Variants in NEDD4L observed in about 807,000 individuals in gnomAD.
The protein encoded by NEDD4L is E3 ubiquitin-protein ligase NEDD4-like.
In NEDD4L, 54 loss-of-function variants were observed where a neutral mutation model predicts 148.9. That is an observed-to-expected ratio of 0.36 (90% CI 0.29 to 0.45). The LOEUF (loss-of-function observed/expected upper bound fraction) is 0.45. Among genes scored for constraint, NEDD4L ranks in the 20% least tolerant of loss-of-function variants. The pLI is 1.00. For missense variants in NEDD4L, 856 were observed against 1,233.8 expected, an observed-to-expected ratio of 0.69 and a Z score of 4.59; for synonymous variants, 433 against 440.7, an observed-to-expected ratio of 0.98 and a Z score of 0.22.
chr18:58,322,315 G>A (rs1359285882), intron 6 of NEDD4L, 110 bp from the exon 7 acceptor site: 4 of 771,858 alleles, frequency 5.2e-6, no homozygotes, highest in Non-Finnish European at 9.0e-6. Context: ...CACATTCAGC[G>A]GTGCCACATT....
intron 1 of NEDD4L, among the ~76,000 whole-genome samples, chr18:58,056,432 G>C (rs1028270535): frequency 2.0e-5 from 3 of 152,178 alleles, no homozygotes; most frequent in African/African-American, 7.2e-5. Context: ...ATTAGGAAAT[G>C]TTCACCTAGA....
chr18:58,053,736 T>C (rs1487913527), intron 1 of NEDD4L, among the ~76,000 whole-genome samples: 1 of 152,240 alleles, frequency 6.6e-6, no homozygotes, highest in Admixed American at 6.5e-5. Context: ...AAAGCTGGAA[T>C]TCCCATTGTG....
chr18:58,059,777 G>T (rs797006320), intron 1 of NEDD4L, among the ~76,000 whole-genome samples: 1 of 152,130 alleles, frequency 6.6e-6, no homozygotes, highest in African/African-American at 2.4e-5. Context: ...AATGTTCTTC[G>T]TATGCAAACT....
At chr18:58,131,611 G>T (rs1242964815) in intron 1 of NEDD4L, among the ~76,000 whole-genome samples, 1 of 151,310 alleles carries the variant, frequency 6.6e-6, no homozygotes, top group East Asian at 1.9e-4. Context: ...GGCAGTGTTG[G>T]CCTTTGTTGG....
At chr18:58,257,995 C>T (rs949036435) in intron 5 of NEDD4L, among the ~76,000 whole-genome samples, 1 of 152,156 alleles carries the variant, frequency 6.6e-6, no homozygotes, top group African/African-American at 2.4e-5. Flanking sequence ...TCTTTTATTG[C>T]TTTGTGTTCA....
intron 5 of NEDD4L, among the ~76,000 whole-genome samples, chr18:58,254,724 T>A (rs1194439915): frequency 1.3e-5 from 2 of 152,164 alleles, no homozygotes; most frequent in African/African-American, 2.4e-5. Flanking sequence ...GACACTTTGG[T>A]GTCTGCCAGT....
chr18:58,146,332 T>C lies in NEDD4L; in HGVS notation c.49-19456T>C, dbSNP rs373769900. ...TGGGTGTGAGCACAACATAGGCAGATGTGTCTGGGGCTCAGGGAGTCATTT... is the reference window on the plus strand; with the variant it reads ...TGGGTGTGAGCACAACATAGGCAGACGTGTCTGGGGCTCAGGGAGTCATTT... On this transcript the variant is annotated intron_variant, in intron 1 of 30. Coordinates refer to ENST00000400345, the MANE Select transcript of NEDD4L (RefSeq NM_001144967.3). 3.3e-5 allele frequency among the ~76,000 whole-genome samples: 5 copies of C among 152,038 alleles called. No homozygotes were observed. In the East Asian group the frequency reaches 9.6e-4, roughly 29 times the overall value.
intron 5 of NEDD4L, among the ~76,000 whole-genome samples, chr18:58,277,840 A>G (rs535813469): frequency 6.6e-6 from 1 of 152,250 alleles, no homozygotes; most frequent in East Asian, 1.9e-4. Flanking sequence ...CTGATAGCTT[A>G]TTTTTAACTA....
At chr18:58,271,835 G>A (rs200271487) in intron 5 of NEDD4L, among the ~76,000 whole-genome samples, 2 of 152,012 alleles carry the variant, frequency 1.3e-5, no homozygotes, top group Non-Finnish European at 2.9e-5. Context: ...TTTATTTTTC[G>A]TTTTGTATGT....
intron 11 of NEDD4L, 39 bp downstream of exon 11, chr18:58,330,953 G>A (rs2059739965): frequency 6.3e-7 from 1 of 1,594,972 alleles, no homozygotes; most frequent in Non-Finnish European, 8.6e-7. Flanking sequence ...GCTGAGCAAT[G>A]TTTTATTGTT....
At chr18:58,196,389 G>C (rs747575304) in intron 2 of NEDD4L, among the ~76,000 whole-genome samples, 1 of 152,088 alleles carries the variant, frequency 6.6e-6, no homozygotes, top group Non-Finnish European at 1.5e-5. Flanking sequence ...CCCCTAACTT[G>C]AGTTTTTACA....
chr18:58,112,405 TTTA>T (rs1555695009), intron 1 of NEDD4L, among the ~76,000 whole-genome samples: 1 of 150,992 alleles, frequency 6.6e-6, no homozygotes, highest in Non-Finnish European at 1.5e-5. Context: ...TATTTATTTA[TTTA>T]TTTTTGCCTA....
In NEDD4L at chr18:58,400,652, T is replaced by C. The variant is rs961079337; in HGVS notation, c.*4383T>C. 1 of 152,236 alleles carries C rather than the reference T, an allele frequency of 6.6e-6. No individual in the cohort carries two copies. The highest frequency in any genetic ancestry group is 2.4e-5 in the African/African-American group (1 of 41,460). The allele number at this position is 152,236 out of a possible 1,614,324, so 9.4% of individuals were successfully genotyped here. A position where few individuals can be genotyped will look rare whatever the true frequency, so the allele number is the denominator to read the frequency against. On this transcript the variant is annotated 3_prime_UTR_variant, in exon 31 of 31. Coordinates refer to ENST00000400345, the MANE Select transcript of NEDD4L (RefSeq NM_001144967.3). Reference sequence around the variant, plus strand: ...TTCAAAGGCACGTCTTTCCGTTCGTTGGTTTTCTGTGTGTAAGGAGTAGCA... The same window carrying C: ...TTCAAAGGCACGTCTTTCCGTTCGTCGGTTTTCTGTGTGTAAGGAGTAGCA...
chr18:58,072,567 G>C (rs922585068), intron 1 of NEDD4L, among the ~76,000 whole-genome samples: 2 of 152,078 alleles, frequency 1.3e-5, no homozygotes, highest in Non-Finnish European at 2.9e-5. Context: ...AGTAATAGAA[G>C]GAAAATTCTA....
intron 1 of NEDD4L, among the ~76,000 whole-genome samples, chr18:58,128,701 G>C (rs1376866456): frequency 6.6e-6 from 1 of 152,190 alleles, no homozygotes; most frequent in Non-Finnish European, 1.5e-5. Flanking sequence ...CTGTTTCTGT[G>C]TGTAAATGTT....
chr18:58,264,533 T>A (rs1451188386), intron 5 of NEDD4L, among the ~76,000 whole-genome samples: 1 of 152,064 alleles, frequency 6.6e-6, no homozygotes, highest in Non-Finnish European at 1.5e-5. Context: ...TGGGGGTACA[T>A]GTGATATCTT....
At chr18:58,135,209 AATGAATGAATG>A (rs2032704060) in intron 1 of NEDD4L, among the ~76,000 whole-genome samples, 1 of 152,224 alleles carries the variant, frequency 6.6e-6, no homozygotes, top group African/African-American at 2.4e-5. Context: ...TGGATAAATG[AATGAATGAATG>A]AATGAAATGA....
chr18:58,316,303 C>T (rs2058255200), intron 6 of NEDD4L, among the ~76,000 whole-genome samples: 1 of 152,176 alleles, frequency 6.6e-6, no homozygotes, highest in Admixed American at 6.5e-5. Context: ...GCTGCTCCAC[C>T]TTTGTGTATC....
intron 1 of NEDD4L, among the ~76,000 whole-genome samples, chr18:58,056,735 C>T (rs2082102312): frequency 6.6e-6 from 1 of 152,068 alleles, no homozygotes; most frequent in Non-Finnish European, 1.5e-5. Flanking sequence ...CATGTACCAC[C>T]ACACCCAGCT....
Sources: allele counts gnomAD v4.1 joint callset (sites outside exome capture counted in the v4.1 genomes callset), GRCh38; gene constraint gnomAD v4.1.1; transcripts MANE v1.5; gene names NCBI Gene and HGNC (gene_info 2026-07-23, HGNC 2026-07-21).